Variants in PLPPR3 observed in about 807,000 individuals in gnomAD.
The protein encoded by PLPPR3 is phospholipid phosphatase-related protein type 3.
A neutral mutation model predicts 27.3 loss-of-function variants in PLPPR3; 14 were observed. That is an observed-to-expected ratio of 0.51 (90% CI 0.34 to 0.80). The LOEUF (loss-of-function observed/expected upper bound fraction) is 0.80. Among genes scored for constraint, PLPPR3 ranks in the 30% least tolerant of loss-of-function variants. PLPPR3 has a pLI of 0.01. For synonymous variants in PLPPR3, 671 were observed against 508.0 expected, an observed-to-expected ratio of 1.32 and a Z score of -4.32; for missense variants, 1,287 against 1,056.9, an observed-to-expected ratio of 1.22 and a Z score of -3.02.
chr19:814,828 G>C, intron 5 of PLPPR3, 58 bp downstream of exon 5: 1 of 1,578,728 alleles, frequency 6.3e-7, no homozygotes, highest in Non-Finnish European at 8.6e-7. Flanking sequence ...CTGTTTCCCC[G>C]CATGTTCACC....
chr19:813,969 GC>G lies in PLPPR3; in HGVS notation c.832-75del, dbSNP rs1476485001. 7.1e-7 allele frequency: 1 copy of G among 1,401,968 alleles called. No individual in the cohort carries two copies. Among genetic ancestry groups the G allele is most frequent in the East Asian group, 2.7e-5 (1 of 36,418 alleles). The allele number at this position is 1,401,968 out of a possible 1,614,324, so 86.8% of individuals were successfully genotyped here. On this transcript the variant is annotated intron_variant, in intron 7 of 7. Transcript: ENST00000520876. The surrounding 1 kb of genome is among the most constrained non-coding windows in gnomAD (Gnocchi z 4.1). ...CTCCCCTGTGATCGTTGGACTTGCC[GC>G]GGGGGGCTCTGGACCGGGGGTGGGG...
Position 813,794 on chromosome 19 carries a change from G to T in PLPPR3, c.933C>A (p.His311Gln). 1 of 1,525,240 alleles carries T rather than the reference G, an allele frequency of 6.6e-7. No individual in the cohort carries two copies. Among genetic ancestry groups the T allele is most frequent in the South Asian group, 1.2e-5 (1 of 83,048 alleles). The allele number at this position is 1,525,240 out of a possible 1,614,324, so 94.5% of individuals were successfully genotyped here. Residue 311 changes from histidine (H) to glutamine (Q), a missense_variant, in exon 8 of 8, where the codon CAC becomes CAA. Transcript: ENST00000520876. This position sits in a 1 kb window ranked among gnomAD's most constrained non-coding sequence, Gnocchi z 4.1. ...DALRALTQRG[H>Q]DSVYQQNKSV... Reference sequence around the variant, plus strand: ...ACTTATTCTGCTGATAAACCGAGTCGTGGCCCCGCTGCGTCAGGGCCCGCA... The same window carrying T: ...ACTTATTCTGCTGATAAACCGAGTCTTGGCCCCGCTGCGTCAGGGCCCGCA...
rs574022661 is a variant in PLPPR3, at chr19:814,692, C to T, written c.657G>A (p.Ser219=). ...TLSAFAAVYV[S]MYFNSVISDT... is the part of the protein sequence containing the mutation. The stretch of plus-strand genomic sequence containing the variant: ...AAGGGCAGTGAGGGGCCGGACTCAC[C>T]GACACATAGACCGCGGCGAAGGCTG... Residue 219 remains serine, a splice_region_variant and synonymous_variant, in exon 6 of 8, where the codon TCG becomes TCA. Coordinates refer to ENST00000520876, the MANE Select transcript of PLPPR3 (RefSeq NM_001270366.2). 1.1e-5 allele frequency: 18 copies of T among 1,601,848 alleles called. No homozygotes were observed. The highest frequency in any genetic ancestry group is 1.3e-5 in the African/African-American group (1 of 74,972).
rs141391704 is a variant in PLPPR3 at position 815,386 on chromosome 19, G to A, written c.262-59C>T. The A allele has an allele frequency of 1.1e-3, 1,705 of 1,486,052 alleles. 6 individuals carry two copies. The African/African-American group carries it at 0.015, about 13-fold the overall frequency. The allele number at this position is 1,486,052 out of a possible 1,614,324, so 92.1% of individuals were successfully genotyped here. ...GCCCACAGGGAGGGGGCGCTCAGGCGGGCTCCCATCTGCAGTGCCCACAGG... is the reference window on the plus strand; with the variant it reads ...GCCCACAGGGAGGGGGCGCTCAGGCAGGCTCCCATCTGCAGTGCCCACAGG... On this transcript the variant is annotated intron_variant, in intron 3 of 7. Transcript: ENST00000520876.
chr19:813,060 G>A lies in PLPPR3; in HGVS notation c.1667C>T (p.Thr556Met), dbSNP rs751062123. The change falls in exon 8 of 8, where the codon ACG becomes ATG. Residue 556 changes from threonine (T) to methionine (M), a missense_variant. By Grantham distance (81) the Thr-to-Met change is moderately conservative. Coordinates refer to ENST00000520876, the MANE Select transcript of PLPPR3 (RefSeq NM_001270366.2). The surrounding 1 kb of genome is among the most constrained non-coding windows in gnomAD (Gnocchi z 4.1). ...GGAGCTGGCGCTGGACGACGACGCC[G>A]TCTCGGCCGCCTTGGGGCCCGGCGC... is the stretch of plus-strand genomic sequence containing the variant. ...PGAPGPKAAETASSSSASSDS... is the reference protein window; with the variant it reads ...PGAPGPKAAEMASSSSASSDS... 1.6e-5 allele frequency: 24 copies of A among 1,501,064 alleles called. No individual in the cohort carries two copies. In the African/African-American group the frequency reaches 2.8e-4, roughly 17 times the overall value. The allele number at this position is 1,501,064 out of a possible 1,614,324, so 93.0% of individuals were successfully genotyped here.
Position 814,913 on chromosome 19 carries a change from T to G in PLPPR3, c.572A>C (p.His191Pro). The G allele has an allele frequency of 6.2e-7, 1 of 1,611,500 alleles. No homozygotes were observed. The highest frequency in any genetic ancestry group is 1.3e-5 in the African/African-American group (1 of 75,000). The change falls in exon 5 of 8, where the codon CAC becomes CCC. Residue 191 changes from histidine (H) to proline (P), a missense_variant. Physicochemically the swap from His to Pro is moderately conservative, Grantham distance 77 (BLOSUM62 -2). Transcript: ENST00000520876. ...TGCAGACAGGATGGCGTGGATGTCG[T>G]GGCCGGAGCAGATGTCCTGCGTGAT... is the stretch of plus-strand genomic sequence containing the variant. ...PYITQDICSG[H>P]DIHAILSARK...
In PLPPR3 at chr19:812,738, C is replaced by G; in HGVS notation, c.1989G>C (p.Thr663=). The part of the protein sequence containing the change: ...FGAVATVNLA[T]GEGLPPLGAA... ...CGCCCAGCGGGGGCAGCCCCTCGCC[C>G]GTGGCCAGGTTGACGGTGGCCACGG... Residue 663 remains threonine, a synonymous_variant, in exon 8 of 8, where the codon ACG becomes ACC. Coordinates refer to ENST00000520876, the MANE Select transcript of PLPPR3 (RefSeq NM_001270366.2). The G allele has an allele frequency of 9.4e-7, 1 of 1,068,178 alleles. No individual in the cohort carries two copies. The highest frequency in any genetic ancestry group is 1.1e-6 in the Non-Finnish European group (1 of 882,666). 66.2% of individuals were successfully genotyped at this position (1,068,178 alleles called of 1,614,324 possible). A position where few individuals can be genotyped will look rare whatever the true frequency, so the allele number is the denominator to read the frequency against.
intron 3 of PLPPR3, 98 bp from the exon 4 acceptor site, chr19:815,425 C>T (rs1056573473): frequency 2.5e-5 from 33 of 1,346,418 alleles, no homozygotes; most frequent in African/African-American, 2.3e-4. Flanking sequence ...GCACAGGCCC[C>T]GGTGTGGATG....
In PLPPR3 at chr19:812,804, C is replaced by T; in HGVS notation, c.1923G>A (p.Ser641=). 9.1e-7 allele frequency: 1 copy of T among 1,093,974 alleles called. No individual in the cohort carries two copies. The highest frequency in any genetic ancestry group is 1.1e-6 in the Non-Finnish European group (1 of 898,884). 67.8% of individuals were successfully genotyped at this position (1,093,974 alleles called of 1,614,324 possible). ...CCTCCTGGTCCACGTCGCTGACCGA[C>T]GAGCCGGGGGACACGCCCGGGGGCT... ...GAKPPGVSPG[S]SVSDVDQEEP... Residue 641 remains serine (S), a synonymous_variant, in exon 8 of 8, where the codon TCG becomes TCA. Coordinates refer to ENST00000520876, the MANE Select transcript of PLPPR3 (RefSeq NM_001270366.2).
chr19:823,541 A>T (rs1019749025), upstream of PLPPR3, among the ~76,000 whole-genome samples: 7 of 151,894 alleles, frequency 4.6e-5, no homozygotes, highest in South Asian at 8.3e-4. Flanking sequence ...CCCCGGGAAG[A>T]GGGTCGCCTG....
chr19:818,154 G>A (rs929801387), intron 2 of PLPPR3, among the ~76,000 whole-genome samples: 52 of 152,024 alleles, frequency 3.4e-4, no homozygotes, highest in Admixed American at 1.3e-4. Flanking sequence ...AGGCCGGGAC[G>A]GGCAGATCAC....
intron 3 of PLPPR3, 62 bp downstream of exon 3, chr19:815,604 C>T (rs1040574031): frequency 1.4e-4 from 207 of 1,476,268 alleles, no homozygotes; most frequent in African/African-American, 1.1e-4. Flanking sequence ...ACCGAGGTGG[C>T]GGGGGTGGGC....
intron 2 of PLPPR3, among the ~76,000 whole-genome samples, chr19:816,955 CCCATCCAT>C (rs913166955): frequency 3.3e-5 from 5 of 149,316 alleles, no homozygotes; most frequent in African/African-American, 4.9e-5. Context: ...TATCCATCCA[CCCATCCAT>C]CCATTGATCA....
rs773530128 is a variant in PLPPR3 at position 814,925 on chromosome 19, A to G, written c.560T>C (p.Ile187Thr). 2 of 1,612,098 alleles carry G rather than the reference A, an allele frequency of 1.2e-6. No homozygotes were observed. Among genetic ancestry groups the G allele is most frequent in the Admixed American group, 3.3e-5 (2 of 60,014 alleles). Residue 187 changes from isoleucine (I) to threonine (T), a missense_variant, in exon 5 of 8, where the codon ATC (isoleucine) becomes ACC (threonine). Coordinates refer to ENST00000520876, the MANE Select transcript of PLPPR3 (RefSeq NM_001270366.2). ...CEVNPYITQD[I>T]CSGHDIHAIL... ...GGCGTGGATGTCGTGGCCGGAGCAG[A>G]TGTCCTGCGTGATGTAGGGGTTGAC... is the stretch of plus-strand genomic sequence containing the variant.
At chr19:815,545 CACAGGCCCCGGTGTGGATGTTCACCG>C (rs2035039284) in intron 3 of PLPPR3, 95 bp downstream of exon 3, 2 of 1,206,514 alleles carry the variant, frequency 1.7e-6, no homozygotes, top group African/African-American at 1.5e-5. Flanking sequence ...CACAGGCTGG[CACAGGCCCCGGTGTGGATGTTCACCG>C]ACAGGCCCCA....
At chr19:822,988 T>C (rs1183784607), upstream of PLPPR3, among the ~76,000 whole-genome samples, 1 of 150,626 alleles carries the variant, frequency 6.6e-6, no homozygotes, top group Non-Finnish European at 1.5e-5. Flanking sequence ...GTGTGGTGGC[T>C]CATGCCTGTA....
At chr19:818,672 T>TC in intron 2 of PLPPR3, among the ~76,000 whole-genome samples, 2 of 151,886 alleles carry the variant, frequency 1.3e-5, no homozygotes, top group Middle Eastern at 6.8e-3. Flanking sequence ...TAGCTGGGAC[T>TC]ACAGGCGCCC....
intron 2 of PLPPR3, among the ~76,000 whole-genome samples, chr19:817,946 AGAT>A (rs1209038379): frequency 6.6e-6 from 1 of 152,126 alleles, no homozygotes; most frequent in African/African-American, 2.4e-5. Flanking sequence ...GCTCAGGTGG[AGAT>A]GAGTCAATGT....
chr19:821,738 G>A (rs917503897), intron 1 of PLPPR3, 153 bp from the exon 2 acceptor site: 19 of 411,502 alleles, frequency 4.6e-5, no homozygotes, highest in Non-Finnish European at 7.2e-5. Flanking sequence ...CCCAGCACGC[G>A]GCTTCCGGGC....
Sources: gnomAD v4.1 joint callset for allele counts (sites outside exome capture counted in the v4.1 genomes callset) on GRCh38, gnomAD v4.1.1 for gene constraint, Gnocchi (gnomAD v3.1) non-coding constraint, MANE v1.5 for transcripts, NCBI Gene and HGNC (gene_info 2026-07-23, HGNC 2026-07-21) for gene names.